The following GNL3L variants were observed in gnomAD, a reference collection of about 807,000 sequenced individuals.
GNL3L encodes the protein G protein nucleolar 3 like.
GNL3L carries 4 observed loss-of-function variants against 42.9 expected under a neutral mutation model. The ratio of observed to expected loss-of-function variants is 0.09; its 90% CI spans 0.05 to 0.21. The LOEUF is 0.21. Among genes scored for constraint, GNL3L ranks in the 10% least tolerant of loss-of-function variants. The probability of loss-of-function intolerance (pLI) is 1.00; values close to 1 mark genes in which losing one functional copy is unlikely to be tolerated. For synonymous variants in GNL3L, 159 were observed against 176.3 expected, an observed-to-expected ratio of 0.90 and a Z score of 0.78; for missense variants, 412 against 481.7, an observed-to-expected ratio of 0.86 and a Z score of 1.36.
At chrX:54,613,505 G>A (rs4495573) in intron 16 of GNL3L, among the ~76,000 whole-genome samples, 11,573 of 110,355 alleles carry the variant, frequency 0.1, 1,377 homozygotes, top group African/African-American at 0.34. Flanking sequence ...GGGTGTTGAA[G>A]CACCTTGTTG....
intron 16 of GNL3L, among the ~76,000 whole-genome samples, chrX:54,607,012 CTTTCTTTCTT>C (rs1926076855): frequency 5.3e-5 from 2 of 37,408 alleles, no homozygotes; most frequent in African/African-American, 4.3e-4. Context: ...TTCTTTCTTT[CTTTCTTTCTT>C]TCTTTCTTTC....
chrX:54,625,519 A>C (rs1926349643), downstream of GNL3L, among the ~76,000 whole-genome samples: 1 of 110,792 alleles, frequency 9.0e-6, no homozygotes, highest in Admixed American at 9.7e-5. Context: ...GATAAATTCC[A>C]CTTGGATATG....
intron 16 of GNL3L, among the ~76,000 whole-genome samples, chrX:54,588,359 C>G (rs1001020666): frequency 2.7e-5 from 3 of 112,273 alleles, no homozygotes; most frequent in African/African-American, 9.7e-5. Flanking sequence ...TTTAGATGCT[C>G]TTTGTGAAAT....
At chrX:54,548,085 C>T (rs1184791395) in intron 8 of GNL3L, 144 bp from the exon 9 acceptor site, 3 of 467,543 alleles carry the variant, frequency 6.4e-6, no homozygotes, top group East Asian at 3.7e-5. Flanking sequence ...GGAAATGACA[C>T]GTGTTCAAGA....
Position 54,564,284 on chromosome X carries a change from C to T in GNL3L, c.*3682C>T, listed in dbSNP as rs1341039104. Among the ~76,000 whole-genome samples the T allele has an allele frequency of 9.0e-6, 1 of 110,827 alleles. No homozygotes were observed. The highest frequency in any genetic ancestry group is 4.2e-3 in the Middle Eastern group (1 of 237). ...TAGAGTTGTGTAACCACCAATGCAA[C>T]CAAGGTACAGAACAGTCCTCTTAGC... is the stretch of plus-strand genomic sequence containing the variant. On this transcript the variant is annotated 3_prime_UTR_variant, in exon 16 of 16. Coordinates refer to ENST00000360845, the MANE Select transcript of GNL3L (RefSeq NM_001184819.2).
At chrX:54,600,971 A>G (rs1033545418) in intron 16 of GNL3L, among the ~76,000 whole-genome samples, 1 of 112,550 alleles carries the variant, frequency 8.9e-6, no homozygotes, top group Non-Finnish European at 1.9e-5. Flanking sequence ...TGATGAATGG[A>G]CAAACCAAAT....
intron 8 of GNL3L, among the ~76,000 whole-genome samples, chrX:54,546,125 T>C (rs1924767839): frequency 8.9e-6 from 1 of 112,781 alleles, no homozygotes; most frequent in Non-Finnish European, 1.9e-5. Context: ...CCTTCCAAAG[T>C]GCGGAGATTA....
the GNL3L span, among the ~76,000 whole-genome samples, chrX:54,644,076 G>C: frequency 8.9e-6 from 1 of 111,943 alleles, no homozygotes; most frequent in Non-Finnish European, 1.9e-5. Context: ...CAATAAACAT[G>C]GGAGTGCAGA....
At chrX:54,552,507 C>T in intron 13 of GNL3L, 79 bp downstream of exon 13, 2 of 938,678 alleles carry the variant, frequency 2.1e-6, no homozygotes, top group Middle Eastern at 2.8e-4. Flanking sequence ...CCACTTTTGA[C>T]CTCCCGCTTC....
At position 54,560,955 on chromosome X, in the gene GNL3L, G is replaced by A. The variant is rs1384538100; in HGVS notation, c.*353G>A. The A allele has an allele frequency of 5.8e-5, 7 of 119,942 alleles. No individual in the cohort carries two copies. In the South Asian group the frequency reaches 9.0e-4, roughly 15 times the overall value. The allele number at this position is 119,942 out of a possible 1,213,427, so 9.9% of individuals were successfully genotyped here. ...CTTGGGAGGCTGAGGCAGGAGAATCGCCTGAACCTGGGAGACTAAGGCAGG... is the reference window on the plus strand; with the variant it reads ...CTTGGGAGGCTGAGGCAGGAGAATCACCTGAACCTGGGAGACTAAGGCAGG... On this transcript the variant is annotated 3_prime_UTR_variant, in exon 16 of 16. Transcript: ENST00000360845.
At chrX:54,606,997 T>TTTCC (rs1926072211) in intron 16 of GNL3L, among the ~76,000 whole-genome samples, 1 of 17,546 alleles carries the variant, frequency 5.7e-5, no homozygotes, top group African/African-American at 3.9e-4. Flanking sequence ...TTTCCTTTCC[T>TTTCC]TTCTTTCTTT....
At chrX:54,639,382 C>T in the GNL3L span, among the ~76,000 whole-genome samples, 1 of 112,404 alleles carries the variant, frequency 8.9e-6, no homozygotes. Context: ...GCCCCGCCCG[C>T]CCGACTCGAT....
At chrX:54,583,923 G>A (rs981199166) in intron 16 of GNL3L, among the ~76,000 whole-genome samples, 3 of 111,161 alleles carry the variant, frequency 2.7e-5, no homozygotes, top group Non-Finnish European at 3.8e-5. Context: ...GATTATAGGC[G>A]TGAGCCACTG....
At chrX:54,554,351 C>G (rs1052646942) in intron 13 of GNL3L, among the ~76,000 whole-genome samples, 4 of 111,716 alleles carry the variant, frequency 3.6e-5, no homozygotes, top group African/African-American at 9.8e-5. Flanking sequence ...CATGAGGAAG[C>G]TGAAGCTCTG....
intron 7 of GNL3L, 54 bp downstream of exon 7, chrX:54,543,396 A>C: frequency 8.7e-7 from 1 of 1,147,648 alleles, no homozygotes; most frequent in South Asian, 1.8e-5. Flanking sequence ...GCCATCTTTA[A>C]CGTCTAGCTT....
chrX:54,543,296 G>C lies in GNL3L; in HGVS notation c.480G>C (p.Leu160=). 8.3e-7 allele frequency: 1 copy of C among 1,210,655 alleles called. No individual in the cohort carries two copies. Among genetic ancestry groups the C allele is most frequent in the East Asian group, 3.0e-5 (1 of 33,834 alleles). ...CRCFQMEEAV[L]RAQGNKKLVL... is the part of the protein sequence containing the mutation. ...GCTTCCAAATGGAGGAGGCTGTCCTGCGAGCACAAGGCAACAAGAAGCTGG... is the reference window on the plus strand; with the variant it reads ...GCTTCCAAATGGAGGAGGCTGTCCTCCGAGCACAAGGCAACAAGAAGCTGG... The change falls in exon 7 of 16, where the codon CTG becomes CTC. Residue 160 remains leucine (L), a synonymous_variant. Coordinates refer to ENST00000360845, the MANE Select transcript of GNL3L (RefSeq NM_001184819.2).
chrX:54,561,765 A>G lies in GNL3L; in HGVS notation c.*1163A>G, dbSNP rs747992610. Reference sequence around the variant, plus strand: ...ACTGTATCCTCGAGAGAGCTGCTATATATGGGAGTGTACCAGCCAACTCCT... The same window carrying G: ...ACTGTATCCTCGAGAGAGCTGCTATGTATGGGAGTGTACCAGCCAACTCCT... On this transcript the variant is annotated 3_prime_UTR_variant, in exon 16 of 16. Coordinates refer to ENST00000360845, the MANE Select transcript of GNL3L (RefSeq NM_001184819.2). Among the ~76,000 whole-genome samples, 3 of 111,320 alleles carry G rather than the reference A, an allele frequency of 2.7e-5. No individual in the cohort carries two copies. In the South Asian group the frequency reaches 1.1e-3, roughly 42 times the overall value.
intron 16 of GNL3L, among the ~76,000 whole-genome samples, chrX:54,593,044 A>G (rs1925889334): frequency 9.0e-6 from 1 of 111,124 alleles, no homozygotes; most frequent in African/African-American, 3.3e-5. Flanking sequence ...GGATTTTTGC[A>G]TCAATATTAA....
At chrX:54,572,911 C>T (rs1471969722) in intron 16 of GNL3L, among the ~76,000 whole-genome samples, 2 of 104,083 alleles carry the variant, frequency 1.9e-5, no homozygotes, top group Admixed American at 1.0e-4. Context: ...CCAGACAGGG[C>T]GGCGGGGCAG....
Sources: gnomAD v4.1 joint callset for allele counts (sites outside exome capture counted in the v4.1 genomes callset) on GRCh38, gnomAD v4.1.1 for gene constraint, MANE v1.5 for transcripts, NCBI Gene and HGNC (gene_info 2026-07-23, HGNC 2026-07-21) for gene names.